The following EXT2 variants were observed in gnomAD, a reference collection of about 807,000 sequenced individuals.
The protein encoded by EXT2 is exostosin-2.
Under a neutral mutation model 81.6 loss-of-function variants are expected in EXT2, and 53 were observed. The ratio of observed to expected loss-of-function variants is 0.65; its 90% CI spans 0.52 to 0.82. The LOEUF (loss-of-function observed/expected upper bound fraction) is 0.82. Among genes scored for constraint, EXT2 ranks in the 40% least tolerant of loss-of-function variants. EXT2 has a pLI of 0.00. For missense variants in EXT2, 774 were observed against 910.2 expected, an observed-to-expected ratio of 0.85 and a Z score of 1.93; for synonymous variants, 320 against 340.0, an observed-to-expected ratio of 0.94 and a Z score of 0.65.
intron 13 of EXT2, among the ~76,000 whole-genome samples, chr11:44,241,909 A>G (rs1039866411): frequency 6.6e-6 from 1 of 152,244 alleles, no homozygotes; most frequent in Non-Finnish European, 1.5e-5. Flanking sequence ...TTGACCATTC[A>G]GTGGAGGCCT....
intron 13 of EXT2, among the ~76,000 whole-genome samples, chr11:44,236,577 T>A (rs1338024765): frequency 6.6e-6 from 1 of 152,218 alleles, no homozygotes; most frequent in Admixed American, 6.5e-5. Flanking sequence ...CAATTTGTAA[T>A]GGCTGGAAGG....
chr11:44,142,869 C>G (rs1374594915), intron 7 of EXT2, among the ~76,000 whole-genome samples: 1 of 152,168 alleles, frequency 6.6e-6, no homozygotes, highest in Non-Finnish European at 1.5e-5. Flanking sequence ...ATCATGATTC[C>G]TCCCGAATCT....
intron 6 of EXT2, among the ~76,000 whole-genome samples, chr11:44,127,196 C>T (rs1321866358): frequency 2.6e-5 from 4 of 152,184 alleles, no homozygotes; most frequent in South Asian, 2.1e-4. Context: ...CCTTCCTTTA[C>T]GTATAGTCTG....
chr11:44,136,836 C>G (rs1414002109), intron 7 of EXT2, among the ~76,000 whole-genome samples: 1 of 152,160 alleles, frequency 6.6e-6, no homozygotes, highest in Non-Finnish European at 1.5e-5. Context: ...GGCTGCTTCC[C>G]TTAAACAGTG....
intron 7 of EXT2, among the ~76,000 whole-genome samples, chr11:44,171,397 C>T (rs1268995428): frequency 6.6e-6 from 1 of 152,214 alleles, no homozygotes; most frequent in Non-Finnish European, 1.5e-5. Context: ...ATGTGCATTT[C>T]ACTTGCTAAC....
At chr11:44,110,034 C>A (rs577695146) in intron 3 of EXT2, among the ~76,000 whole-genome samples, 8 of 152,130 alleles carry the variant, frequency 5.3e-5, no homozygotes, top group Non-Finnish European at 8.8e-5. Context: ...ATAAGCGTCG[C>A]GGGCAATGCT....
intron 8 of EXT2, among the ~76,000 whole-genome samples, chr11:44,192,897 TA>T (rs1415195807): frequency 1.3e-5 from 2 of 152,212 alleles, no homozygotes; most frequent in African/African-American, 4.8e-5. Context: ...TCAAAACTCA[TA>T]ATTTTAGTCA....
chr11:44,171,905 A>G (rs193246421), intron 8 of EXT2, 163 bp downstream of exon 8: 123 of 1,042,200 alleles, frequency 1.2e-4, no homozygotes, highest in Non-Finnish European at 1.5e-4. Context: ...TAATTTTGAA[A>G]CACTGACAAA....
intron 7 of EXT2, among the ~76,000 whole-genome samples, chr11:44,140,389 G>A (rs1954629560): frequency 6.6e-6 from 1 of 152,076 alleles, no homozygotes; most frequent in Non-Finnish European, 1.5e-5. Flanking sequence ...GAAACACCAG[G>A]CCCTCCATAA....
rs773739123 is a variant in EXT2 at position 44,236,253 on chromosome 11, G to A, written c.1936-40G>A. 3.0e-5 allele frequency: 47 copies of A among 1,584,008 alleles called. No homozygotes were observed. In the South Asian group the frequency reaches 4.9e-4, roughly 16 times the overall value. ...TCACAAGCATGATTTTATTGTCCTT[G>A]ACACTGACAGCCAGGTATGTTTTTG... is the stretch of plus-strand genomic sequence containing the variant. On this transcript the variant is annotated intron_variant, in intron 12 of 13. Transcript: ENST00000533608.
chr11:44,234,929 GC>G (rs1955943418), intron 12 of EXT2, among the ~76,000 whole-genome samples: 1 of 152,198 alleles, frequency 6.6e-6, no homozygotes, highest in Non-Finnish European at 1.5e-5. Context: ...AATGGGCAAT[GC>G]CAGGTTCCCT....
chr11:44,234,901 T>G (rs1955943085), intron 12 of EXT2, among the ~76,000 whole-genome samples: 1 of 152,232 alleles, frequency 6.6e-6, no homozygotes, highest in Admixed American at 6.5e-5. Flanking sequence ...GCTTCTAGAT[T>G]AGAATTTTGT....
intron 8 of EXT2, among the ~76,000 whole-genome samples, chr11:44,173,247 C>T (rs184431837): frequency 2.6e-5 from 4 of 152,308 alleles, no homozygotes; most frequent in African/African-American, 7.2e-5. Context: ...ATGGTAAAAA[C>T]AACAGCAAAC....
At chr11:44,126,749 G>A (rs1954410377) in intron 5 of EXT2, 67 bp from the exon 6 acceptor site, 6 of 1,605,250 alleles carry the variant, frequency 3.7e-6, no homozygotes, top group Non-Finnish European at 4.3e-6. Context: ...TTTGTGGTCT[G>A]TAGGGATCAA....
At chr11:44,223,781 G>A (rs1361141301) in intron 10 of EXT2, among the ~76,000 whole-genome samples, 1 of 151,236 alleles carries the variant, frequency 6.6e-6, no homozygotes, top group Non-Finnish European at 1.5e-5. Context: ...CTCCCTAGTA[G>A]CTGGGACTAT....
At chr11:44,209,166 C>T (rs190628516) in intron 10 of EXT2, among the ~76,000 whole-genome samples, 11 of 152,328 alleles carry the variant, frequency 7.2e-5, no homozygotes, top group Middle Eastern at 3.4e-3. Context: ...TACATAGTGC[C>T]TCCCACATGG....
chr11:44,239,710 T>G (rs1368763561), intron 13 of EXT2, among the ~76,000 whole-genome samples: 20 of 125,692 alleles, frequency 1.6e-4, no homozygotes, highest in African/African-American at 5.8e-4. Flanking sequence ...TTTTTTTTTT[T>G]TTTTTGGAAG....
chr11:44,187,934 A>G (rs1955339375), intron 8 of EXT2, among the ~76,000 whole-genome samples: 1 of 152,272 alleles, frequency 6.6e-6, no homozygotes, highest in African/African-American at 2.4e-5. Flanking sequence ...TTCTTTTCAT[A>G]TAATTGTTTT....
At chr11:44,129,489 G>A (rs1215017117) in intron 6 of EXT2, among the ~76,000 whole-genome samples, 3 of 152,176 alleles carry the variant, frequency 2.0e-5, no homozygotes, top group Non-Finnish European at 4.4e-5. Context: ...CTGTTTGCTT[G>A]TTAGACTTTT....
Sources: allele counts gnomAD v4.1 joint callset (sites outside exome capture counted in the v4.1 genomes callset), GRCh38; gene constraint gnomAD v4.1.1; transcripts MANE v1.5; gene names NCBI Gene and HGNC (gene_info 2026-07-23, HGNC 2026-07-21).